Variants in ADSL observed in about 807,000 individuals in gnomAD.
The protein encoded by ADSL is adenylosuccinate lyase, also known as adenylosuccinase.
A neutral mutation model predicts 62.1 loss-of-function variants in ADSL; 44 were observed. That is an observed-to-expected ratio of 0.71 (90% CI 0.56 to 0.91). The LOEUF is 0.91. Ranked by LOEUF, ADSL falls within the 40% of genes least tolerant of loss-of-function variation. ADSL has a pLI of 0.00. For missense variants in ADSL, 531 were observed against 627.4 expected (o/e 0.85, Z 1.64); for synonymous variants, 198 against 220.5 (o/e 0.90, Z 0.90).
At chr22:40,374,618 C>A (rs1197491120) in intron 2 of ADSL, among the ~76,000 whole-genome samples, 2 of 152,214 alleles carry the variant, frequency 1.3e-5, no homozygotes, top group Non-Finnish European at 2.9e-5. Flanking sequence ...TACGGCGGCT[C>A]ACGCCTGTAA....
intron 9 of ADSL, among the ~76,000 whole-genome samples, chr22:40,362,055 A>G (rs905409284): frequency 6.6e-6 from 1 of 152,230 alleles, no homozygotes; most frequent in Non-Finnish European, 1.5e-5. Context: ...ACAGATAGCC[A>G]GTTTATGAAA....
intron 3 of ADSL, chr22:40,353,910 G>GC (rs1442033935): frequency 2.6e-6 from 1 of 385,508 alleles, no homozygotes; most frequent in African/African-American, 2.1e-5. Context: ...ACAGGCATGA[G>GC]CCACCGCGCC....
chr22:40,353,298 TTCC>T, intron 3 of ADSL, 181 bp downstream of exon 3: 1 of 707,424 alleles, frequency 1.4e-6, no homozygotes. Flanking sequence ...TCTTCTTCTC[TTCC>T]TCCTTCTCCT....
Position 40,361,579 on chromosome 22 carries a change from GC to G in ADSL, c.955del (p.Leu319TyrfsTer34), listed in dbSNP as rs1569099793. Reference protein sequence around the residue: ...RHLMTLVMDPLQTASVQWFER... With the variant: ...RHLMTLVMDPXQTASVQWFER... The stretch of plus-strand genomic sequence containing the variant: ...ACCTGATGACCCTTGTCATGGACCC[GC>G]TACAGACAGCATCTGTCCAGTGGTT... On this transcript the variant is annotated frameshift_variant, in exon 9 of 13. Transcript: ENST00000623063. LOFTEE classifies it high-confidence loss of function. 1.2e-6 allele frequency: 2 copies of G among 1,614,146 alleles called. No individual in the cohort carries two copies. The highest frequency in any genetic ancestry group is 1.7e-5 in the Admixed American group (1 of 60,028).
At chr22:40,371,535 G>GT (rs1187299709), downstream of ADSL, among the ~76,000 whole-genome samples, 2 of 152,124 alleles carry the variant, frequency 1.3e-5, no homozygotes, top group African/African-American at 4.8e-5. Flanking sequence ...TTTACTCGTA[G>GT]TTTTTGTGAC....
In ADSL at chr22:40,361,746, A is replaced by G. The variant is rs566245410; in HGVS notation, c.1010+111A>G. ...CTCTACAGTCTCCTTATCCCCAAGGATCCCAGAGTCTAGCAGGGAGGCAAA... is the reference window on the plus strand; with the variant it reads ...CTCTACAGTCTCCTTATCCCCAAGGGTCCCAGAGTCTAGCAGGGAGGCAAA... On this transcript the variant is annotated intron_variant, in intron 9 of 12. Coordinates refer to ENST00000623063, the MANE Select transcript of ADSL (RefSeq NM_000026.4). The G allele has an allele frequency of 5.8e-4, 828 of 1,438,136 alleles. 1 individual carries two copies. Among genetic ancestry groups the G allele is most frequent in the Non-Finnish European group, 7.4e-4 (771 of 1,044,502 alleles). 89.1% of individuals were successfully genotyped at this position (1,438,136 alleles called of 1,614,324 possible).
chr22:40,348,457 C>G (rs549773365), intron 1 of ADSL: 2 of 398,518 alleles, frequency 5.0e-6, no homozygotes, highest in Admixed American at 4.4e-5. Context: ...AATCTTGGCT[C>G]GTTACAACCT....
intron 2 of ADSL, among the ~76,000 whole-genome samples, chr22:40,375,002 T>C (rs979945255): frequency 2.0e-5 from 3 of 152,224 alleles, no homozygotes; most frequent in African/African-American, 4.8e-5. Context: ...ATGCTACATA[T>C]ATAATCACCT....
downstream of ADSL, chr22:40,372,899 G>A (rs2045868136): frequency 6.6e-6 from 1 of 152,194 alleles, no homozygotes; most frequent in Non-Finnish European, 1.5e-5. Flanking sequence ...CTGTTATTCA[G>A]CTGGTGACGT....
rs73885691 is a variant in ADSL at position 40,359,419 on chromosome 22, A to G, written c.701+113A>G. ...TGCCTTTTTCTTCCTTTGTTCTTCT[A>G]CCCATTTTTTTTTTTCCTGTCTCTA... On this transcript the variant is annotated intron_variant, in intron 6 of 12. Coordinates refer to ENST00000623063, the MANE Select transcript of ADSL (RefSeq NM_000026.4). 5,576 of 892,394 alleles carry G rather than the reference A, an allele frequency of 6.2e-3. 214 individuals are homozygous for G. In the African/African-American group the frequency reaches 0.098, roughly 16 times the overall value. 55.3% of individuals were successfully genotyped at this position (892,394 alleles called of 1,614,324 possible).
In ADSL at chr22:40,364,876, C is replaced by G; in HGVS notation, c.1192-4C>G. ...GAACTGACAATACTTCACTGTCTTC[C>G]CAGGATTGCCATGAGAAAATCAGAG... On this transcript the variant is annotated splice_polypyrimidine_tract_variant and splice_region_variant and intron_variant, in intron 11 of 12. Coordinates refer to ENST00000623063, the MANE Select transcript of ADSL (RefSeq NM_000026.4). 1 of 1,614,098 alleles carries G rather than the reference C, an allele frequency of 6.2e-7. No individual in the cohort carries two copies. The highest frequency in any genetic ancestry group is 8.5e-7 in the Non-Finnish European group (1 of 1,179,972).
rs1458492780 is a variant in ADSL at position 40,367,029 on chromosome 22, T to A, written c.*507T>A. On this transcript the variant is annotated 3_prime_UTR_variant, in exon 13 of 13. Transcript: ENST00000623063. ...ACCCTGATGTGACCATCAGGCTGAT[T>A]GAGCTGAAGTTGTGCCCAAGCTCAT... 1 of 165,712 alleles carries A rather than the reference T, an allele frequency of 6.0e-6. No individual in the cohort carries two copies. Among genetic ancestry groups the A allele is most frequent in the East Asian group, 1.7e-4 (1 of 5,914 alleles). The allele number at this position is 165,712 out of a possible 1,614,324, so 10.3% of individuals were successfully genotyped here.
At chr22:40,356,690 A>T (rs1033504473) in intron 4 of ADSL, among the ~76,000 whole-genome samples, 1 of 151,560 alleles carries the variant, frequency 6.6e-6, no homozygotes, top group Admixed American at 6.6e-5. Context: ...TAAAAAAAAT[A>T]AAGTTAGCCA....
In ADSL at chr22:40,383,321, G is replaced by T. The variant is rs189622828; in HGVS notation, c.90-6909G>T. Among the ~76,000 whole-genome samples, 111 of 152,154 alleles carry T rather than the reference G, an allele frequency of 7.3e-4. 1 individual carries two copies. Among genetic ancestry groups the T allele is most frequent in the African/African-American group, 2.6e-3 (108 of 41,520 alleles). On this transcript the variant is annotated intron_variant, in intron 2 of 2. Coordinates refer to the ADSL transcript ENST00000498234. ...TCTCTACTAAAAATATAAAAAATTA[G>T]CCCGGCGTGGTGGCAGGTGCCTGTA...
chr22:40,358,943 C>T lies in ADSL; in HGVS notation c.562C>T (p.Arg188Cys), dbSNP rs371892194. 2 of 1,614,158 alleles carry T rather than the reference C, an allele frequency of 1.2e-6. No individual in the cohort carries two copies. Among genetic ancestry groups the T allele is most frequent in the Admixed American group, 1.7e-5 (1 of 60,004 alleles). ...TTGCATGGATCTCCAGAACTTGAAG[C>T]GTGTCCGAGATGACCTGCGCTTCCG... ...DLCMDLQNLKRVRDDLRFRGV... is the reference protein window; with the variant it reads ...DLCMDLQNLKCVRDDLRFRGV... The change falls in exon 5 of 13, where the codon CGT becomes TGT. Residue 188 changes from arginine (R) to cysteine (C), a missense_variant. Transcript: ENST00000623063.
intron 4 of ADSL, among the ~76,000 whole-genome samples, chr22:40,358,046 G>A (rs1257330974): frequency 1.3e-5 from 2 of 152,044 alleles, no homozygotes; most frequent in Non-Finnish European, 2.9e-5. Context: ...CCAAAGTGCT[G>A]GGATTATAGG....
At chr22:40,360,310 G>C in intron 6 of ADSL, 92 bp from the exon 7 acceptor site, 3 of 1,062,664 alleles carry the variant, frequency 2.8e-6, no homozygotes, top group Non-Finnish European at 2.9e-6. Context: ...GTCCTCCTCC[G>C]TTAGCCTCCT....
At chr22:40,369,974 C>G (rs1166397240), downstream of ADSL, among the ~76,000 whole-genome samples, 1 of 152,046 alleles carries the variant, frequency 6.6e-6, no homozygotes, top group Non-Finnish European at 1.5e-5. Flanking sequence ...TGATATGAAG[C>G]CTAGGTGGAT....
intron 7 of ADSL, 32 bp from the exon 8 acceptor site, chr22:40,361,241 T>G (rs1569099099): frequency 6.2e-7 from 1 of 1,600,394 alleles, no homozygotes; most frequent in East Asian, 2.2e-5. Flanking sequence ...ACTGACAGTG[T>G]GGGGTGATGC....
Sources: allele counts gnomAD v4.1 joint callset (sites outside exome capture counted in the v4.1 genomes callset), GRCh38; gene constraint gnomAD v4.1.1; transcripts MANE v1.5; gene names NCBI Gene and HGNC (gene_info 2026-07-23, HGNC 2026-07-21).